The following RFX3 variants were observed in gnomAD, a reference collection of about 807,000 sequenced individuals.
The protein encoded by RFX3 is regulatory factor X3.
Under a neutral mutation model 98.6 loss-of-function variants are expected in RFX3, and 14 were observed. The ratio of observed to expected loss-of-function variants is 0.14; its 90% CI spans 0.09 to 0.22. The LOEUF is 0.22. Among genes scored for constraint, RFX3 ranks in the 10% least tolerant of loss-of-function variants. The pLI, the probability that RFX3 is intolerant of heterozygous loss-of-function variation, is 1.00. For missense variants in RFX3, 639 were observed against 926.9 expected (o/e 0.69, Z 4.03); for synonymous variants, 383 against 328.4 (o/e 1.17, Z -1.80).
chr9:3,281,358 GAAA>G (rs879501035), intron 7 of RFX3, among the ~76,000 whole-genome samples: 1 of 141,342 alleles, frequency 7.1e-6, no homozygotes, highest in Admixed American at 7.1e-5. Flanking sequence ...GATTTCCATT[GAAA>G]AAAAAAAAGT....
chr9:3,406,154 G>T (rs903359466), intron 1 of RFX3, among the ~76,000 whole-genome samples: 9 of 151,662 alleles, frequency 5.9e-5, no homozygotes, highest in Non-Finnish European at 1.3e-4. Context: ...GTAGAGACAG[G>T]GTTTCACCAT....
At position 3,395,556 on chromosome 9, in the gene RFX3, G is replaced by C. The variant is rs757813013; in HGVS notation, c.33C>G (p.Gly11=). ...CAGATGTTTGTAAGGTCACTGTCGA[G>C]CCTGTGTCCGACCCAGTCTCTGATG... MQTSETGSDT[G]STVTLQTSVA... The change falls in exon 2 of 17, where the codon GGC becomes GGG. Residue 11 remains glycine (G), a synonymous_variant. Transcript: ENST00000617270. 4.3e-6 allele frequency: 7 copies of C among 1,614,080 alleles called. No homozygotes were observed. The highest frequency in any genetic ancestry group is 5.9e-6 in the Non-Finnish European group (7 of 1,179,970).
chr9:3,265,503 G>C (rs1449845832), intron 12 of RFX3, among the ~76,000 whole-genome samples: 1 of 152,154 alleles, frequency 6.6e-6, no homozygotes, highest in African/African-American at 2.4e-5. Context: ...TACAGTCATT[G>C]ACAAGAAGTC....
At chr9:3,525,212 T>A (rs981628996) in intron 1 of RFX3, among the ~76,000 whole-genome samples, 2 of 151,704 alleles carry the variant, frequency 1.3e-5, no homozygotes, top group Admixed American at 6.6e-5. Context: ...ACAAAACCCA[T>A]AACAAGGCCC....
At chr9:3,500,842 C>T (rs1439325715) in intron 1 of RFX3, among the ~76,000 whole-genome samples, 3 of 152,094 alleles carry the variant, frequency 2.0e-5, no homozygotes, top group Non-Finnish European at 4.4e-5. Flanking sequence ...AATACTTAGT[C>T]AATTATTAGT....
At position 3,316,041 on chromosome 9, in the gene RFX3, C is replaced by T. The variant is rs11562154; in HGVS notation, c.474+14218G>A. ...TTCATTTTATGAGGCCAACATCATC[C>T]TGATACCAAAGGCTGGCAGGGACAC... On this transcript the variant is annotated intron_variant, in intron 4 of 16. Transcript: ENST00000617270. Among the ~76,000 whole-genome samples, 57 of 152,224 alleles carry T rather than the reference C, an allele frequency of 3.7e-4. No homozygotes were observed. The East Asian group carries it at 0.011, about 28-fold the overall frequency.
chr9:3,361,765 T>C (rs1055690723), intron 2 of RFX3, among the ~76,000 whole-genome samples: 1 of 149,424 alleles, frequency 6.7e-6, no homozygotes, highest in Non-Finnish European at 1.5e-5. Flanking sequence ...CTAGACAACA[T>C]AGGGAGACCC....
intron 1 of RFX3, among the ~76,000 whole-genome samples, chr9:3,477,399 A>G (rs186688296): frequency 1.3e-5 from 2 of 152,132 alleles, no homozygotes; most frequent in Non-Finnish European, 2.9e-5. Flanking sequence ...TTCAGTTTTT[A>G]TCTATTTGGA....
chr9:3,318,921 T>C (rs569264098), intron 4 of RFX3, among the ~76,000 whole-genome samples: 32 of 152,330 alleles, frequency 2.1e-4, no homozygotes, highest in Middle Eastern at 6.8e-3. Flanking sequence ...CTTTGATTAT[T>C]CTGTGGAGCC....
chr9:3,412,980 G>A (rs12005855), intron 1 of RFX3, among the ~76,000 whole-genome samples: 4,098 of 152,122 alleles, frequency 0.027, 195 homozygotes, highest in African/African-American at 0.095. Context: ...TTTATATTGA[G>A]TCTAAAAATC....
chr9:3,424,375 T>G (rs868566116), intron 1 of RFX3, among the ~76,000 whole-genome samples: 195 of 129,424 alleles, frequency 1.5e-3, no homozygotes, highest in Non-Finnish European at 2.3e-3. Flanking sequence ...TTTTTTTTTT[T>G]TTTTGAGACG....
intron 3 of RFX3, among the ~76,000 whole-genome samples, chr9:3,334,996 C>T (rs1053796421): frequency 6.6e-6 from 1 of 151,976 alleles, no homozygotes; most frequent in Non-Finnish European, 1.5e-5. Flanking sequence ...GTGGCACGCA[C>T]CTGTAATCCC....
intron 1 of RFX3, among the ~76,000 whole-genome samples, chr9:3,480,867 T>C (rs1849699525): frequency 6.6e-6 from 1 of 152,098 alleles, no homozygotes; most frequent in African/African-American, 2.4e-5. Context: ...GCTATACAAA[T>C]ATAAGGAAAT....
At position 3,524,675 on chromosome 9, in the gene RFX3, A is replaced by G. The variant is rs987796206; in HGVS notation, c.-9+1072T>C. 3 of 961,264 alleles carry G rather than the reference A, an allele frequency of 3.1e-6. No individual in the cohort carries two copies. In the African/African-American group the frequency reaches 5.3e-5, roughly 17 times the overall value. 59.5% of individuals were successfully genotyped at this position (961,264 alleles called of 1,614,324 possible). A position where few individuals can be genotyped will look rare whatever the true frequency, so the allele number is the denominator to read the frequency against. On this transcript the variant is annotated intron_variant, in intron 1 of 16. Coordinates refer to ENST00000617270, the MANE Select transcript of RFX3 (RefSeq NM_001282116.2). ...TCACAAAGTCTCATAATCACAATGA[A>G]AATTGTTAACACTCTACTGCGGGGA...
chr9:3,452,931 C>G (rs1846797552), intron 1 of RFX3, among the ~76,000 whole-genome samples: 1 of 152,050 alleles, frequency 6.6e-6, no homozygotes, highest in Non-Finnish European at 1.5e-5. Flanking sequence ...TTCTTTTGTA[C>G]CAAATCAGCC....
intron 2 of RFX3, among the ~76,000 whole-genome samples, chr9:3,390,470 A>G (rs956317563): frequency 6.6e-6 from 1 of 152,138 alleles, no homozygotes; most frequent in African/African-American, 2.4e-5. Flanking sequence ...ATCCAGGCTG[A>G]AGTGGTCTCA....
At chr9:3,516,717 G>A (rs1196930000) in intron 1 of RFX3, among the ~76,000 whole-genome samples, 1 of 151,524 alleles carries the variant, frequency 6.6e-6, no homozygotes, top group African/African-American at 2.4e-5. Context: ...GCACTAGCTC[G>A]CTTTCGCACT....
chr9:3,492,139 G>T (rs1850768678), intron 1 of RFX3, among the ~76,000 whole-genome samples: 2 of 152,058 alleles, frequency 1.3e-5, no homozygotes, highest in Admixed American at 1.3e-4. Context: ...GGTGCTGGAG[G>T]ATATAACGGT....
intron 1 of RFX3, among the ~76,000 whole-genome samples, chr9:3,503,678 ATC>A (rs1816296340): frequency 1.3e-5 from 2 of 152,102 alleles, no homozygotes; most frequent in Admixed American, 6.6e-5. Flanking sequence ...TATTTAAATA[ATC>A]TCTCATTTGC....
Sources: allele counts gnomAD v4.1 joint callset (sites outside exome capture counted in the v4.1 genomes callset), GRCh38; gene constraint gnomAD v4.1.1; transcripts MANE v1.5; gene names NCBI Gene and HGNC (gene_info 2026-07-23, HGNC 2026-07-21).